Variants in MAGI2 observed in about 807,000 individuals in gnomAD.
MAGI2 encodes membrane associated guanylate kinase, WW and PDZ domain containing 2, also known as membrane-associated guanylate kinase, WW and PDZ domain-containing protein 2.
A neutral mutation model predicts 133.3 loss-of-function variants in MAGI2; 35 were observed. The observed-to-expected ratio is 0.26, with a 90% CI of 0.20 to 0.35. MAGI2 has a LOEUF of 0.35. Ranked by LOEUF, MAGI2 falls within the 10% of genes least tolerant of loss-of-function variation. The probability of loss-of-function intolerance (pLI) is 1.00; values close to 1 mark genes in which losing one functional copy is unlikely to be tolerated. For synonymous variants in MAGI2, 729 were observed against 710.6 expected (o/e 1.03, Z -0.41); for missense variants, 1,636 against 1,863.4 (o/e 0.88, Z 2.25).
At chr7:78,633,769 G>C (rs1372429579) in intron 2 of MAGI2, among the ~76,000 whole-genome samples, 1 of 151,296 alleles carries the variant, frequency 6.6e-6, no homozygotes, top group East Asian at 1.9e-4. Flanking sequence ...CGATAAAAAG[G>C]TTCTTAGATT....
chr7:78,079,831 GT>G (rs2151188518), intron 20 of MAGI2, among the ~76,000 whole-genome samples: 1 of 152,296 alleles, frequency 6.6e-6, no homozygotes, highest in East Asian at 1.9e-4. Flanking sequence ...TTTGGCGTTT[GT>G]GAATAGATAG....
chr7:79,399,333 A>G (rs1845307172), intron 1 of MAGI2, among the ~76,000 whole-genome samples: 1 of 151,750 alleles, frequency 6.6e-6, no homozygotes, highest in African/African-American at 2.4e-5. Context: ...ACCTCAAGAG[A>G]TCTGCCCACC....
At chr7:78,776,413 T>A (rs1157151529) in intron 2 of MAGI2, among the ~76,000 whole-genome samples, 1 of 152,254 alleles carries the variant, frequency 6.6e-6, no homozygotes, top group African/African-American at 2.4e-5. Context: ...CCATAGTAGA[T>A]GGTCTCTTGA....
chr7:78,041,345 G>T (rs1377632223), intron 21 of MAGI2, among the ~76,000 whole-genome samples: 1 of 152,148 alleles, frequency 6.6e-6, no homozygotes, highest in Non-Finnish European at 1.5e-5. Flanking sequence ...GCAACCTCTA[G>T]TCAGCTTGCT....
At chr7:78,457,790 G>A (rs1230880229) in intron 6 of MAGI2, among the ~76,000 whole-genome samples, 1 of 152,056 alleles carries the variant, frequency 6.6e-6, no homozygotes, top group Admixed American at 6.5e-5. Flanking sequence ...TTGTCCCAGG[G>A]CACAGACTAG....
At chr7:78,268,418 A>G (rs535619955) in intron 9 of MAGI2, among the ~76,000 whole-genome samples, 1 of 152,300 alleles carries the variant, frequency 6.6e-6, no homozygotes, top group East Asian at 1.9e-4. Context: ...CTATGTGCTA[A>G]GAACAATAAC....
intron 6 of MAGI2, among the ~76,000 whole-genome samples, chr7:78,418,908 G>C (rs1798544136): frequency 6.6e-6 from 1 of 152,142 alleles, no homozygotes; most frequent in Admixed American, 6.6e-5. Context: ...TATTATTTTT[G>C]TCTTTGCTGA....
intron 6 of MAGI2, among the ~76,000 whole-genome samples, chr7:78,443,044 T>A (rs1422983664): frequency 6.6e-6 from 1 of 152,202 alleles, no homozygotes; most frequent in Non-Finnish European, 1.5e-5. Context: ...ATGGTTTGTA[T>A]CTTATTTCCA....
intron 1 of MAGI2, among the ~76,000 whole-genome samples, chr7:79,265,012 C>T (rs1412726825): frequency 6.6e-6 from 1 of 152,162 alleles, no homozygotes; most frequent in African/African-American, 2.4e-5. Context: ...CCACCTCCCA[C>T]TAGGCTCCAC....
intron 2 of MAGI2, among the ~76,000 whole-genome samples, chr7:78,817,122 G>A (rs1047711269): frequency 1.3e-5 from 2 of 152,154 alleles, no homozygotes; most frequent in Non-Finnish European, 2.9e-5. Context: ...TTCAGTGGAG[G>A]AGGTCACTGC....
chr7:79,228,163 A>G (rs1184280016), intron 1 of MAGI2, among the ~76,000 whole-genome samples: 1 of 151,770 alleles, frequency 6.6e-6, no homozygotes, highest in East Asian at 1.9e-4. Flanking sequence ...GGAAAACACA[A>G]TGAGACCTCG....
intron 1 of MAGI2, among the ~76,000 whole-genome samples, chr7:79,448,029 A>C (rs1020247747): frequency 6.6e-6 from 1 of 151,898 alleles, no homozygotes; most frequent in African/African-American, 2.4e-5. Context: ...ATAAATTCTA[A>C]TAGGATTTCT....
rs188137839 is a variant in MAGI2, at chr7:78,509,063, A to G, written c.755-7276T>C. ...CTAAAACGAACAGACTTTATCAAACACTGACATTTTTTGTGCATTCCCCAT... is the reference window on the plus strand; with the variant it reads ...CTAAAACGAACAGACTTTATCAAACGCTGACATTTTTTGTGCATTCCCCAT... On this transcript the variant is annotated intron_variant, in intron 4 of 21. Transcript: ENST00000354212. Among the ~76,000 whole-genome samples, 48 of 152,044 alleles carry G rather than the reference A, an allele frequency of 3.2e-4. No homozygotes were observed. In the East Asian group the frequency reaches 7.5e-3, roughly 24 times the overall value.
intron 2 of MAGI2, among the ~76,000 whole-genome samples, chr7:78,819,486 A>C (rs1159625177): frequency 6.6e-6 from 1 of 151,978 alleles, no homozygotes; most frequent in East Asian, 1.9e-4. Flanking sequence ...TCATGTATTT[A>C]TTTTTAAACT....
At chr7:78,116,114 T>C (rs1819844986) in intron 20 of MAGI2, among the ~76,000 whole-genome samples, 1 of 152,182 alleles carries the variant, frequency 6.6e-6, no homozygotes, top group Non-Finnish European at 1.5e-5. Context: ...TGAAATCTTG[T>C]GGAGTATTTT....
At chr7:78,622,411 C>G (rs1170475427) in intron 3 of MAGI2, among the ~76,000 whole-genome samples, 2 of 151,980 alleles carry the variant, frequency 1.3e-5, no homozygotes, top group African/African-American at 4.8e-5. Flanking sequence ...GGAACAATGA[C>G]CTAAACACTG....
At chr7:78,469,650 G>T (rs1790990932) in intron 6 of MAGI2, among the ~76,000 whole-genome samples, 1 of 152,116 alleles carries the variant, frequency 6.6e-6, no homozygotes, top group African/African-American at 2.4e-5. Flanking sequence ...TTTAGAGGCA[G>T]ACTACCTTGA....
intron 2 of MAGI2, among the ~76,000 whole-genome samples, chr7:78,736,516 G>C (rs555474646): frequency 6.6e-6 from 1 of 152,130 alleles, no homozygotes; most frequent in Non-Finnish European, 1.5e-5. Flanking sequence ...ATCTTAAAGA[G>C]GTCATAACCC....
At chr7:78,719,784 A>C (rs1299967774) in intron 2 of MAGI2, among the ~76,000 whole-genome samples, 1 of 152,100 alleles carries the variant, frequency 6.6e-6, no homozygotes, top group Non-Finnish European at 1.5e-5. Flanking sequence ...CTCCAAACAT[A>C]CCTTTCCTGT....
Sources: gnomAD v4.1 joint callset for allele counts (sites outside exome capture counted in the v4.1 genomes callset) on GRCh38, gnomAD v4.1.1 for gene constraint, MANE v1.5 for transcripts, NCBI Gene and HGNC (gene_info 2026-07-23, HGNC 2026-07-21) for gene names.